The following NOX5 variants were observed in gnomAD, a reference collection of about 807,000 sequenced individuals.
The protein encoded by NOX5 is NADPH oxidase 5.
A neutral mutation model predicts 85.7 loss-of-function variants in NOX5; 76 were observed. The ratio of observed to expected loss-of-function variants is 0.89; its 90% confidence interval spans 0.74 to 1.07. The LOEUF (loss-of-function observed/expected upper bound fraction) is 1.07, where lower values mean the gene tolerates loss of function less well. Ranked by LOEUF, NOX5 falls within the 50% of genes least tolerant of loss-of-function variation. NOX5 has a pLI of 0.00. For synonymous variants in NOX5, 405 were observed against 401.4 expected (o/e 1.01, Z -0.11); for missense variants, 973 against 999.5 (o/e 0.97, Z 0.36).
chr15:69,020,369 A>T (rs1297729587), intron 1 of NOX5, among the ~76,000 whole-genome samples: 1 of 152,180 alleles, frequency 6.6e-6, no homozygotes, highest in Non-Finnish European at 1.5e-5. Context: ...CTTAAAGATG[A>T]TACAAATTTC....
chr15:69,022,341 C>A, intron 1 of NOX5: 1 of 167,538 alleles, frequency 6.0e-6, no homozygotes. Flanking sequence ...GCTGTGCTTT[C>A]ATAACATCTG....
At chr15:69,015,168 G>A (rs1350662690) in intron 1 of NOX5, among the ~76,000 whole-genome samples, 2 of 152,144 alleles carry the variant, frequency 1.3e-5, no homozygotes, top group Admixed American at 6.5e-5. Flanking sequence ...CTGGTCTCCT[G>A]GGGTAAATTC....
intron 10 of NOX5, among the ~76,000 whole-genome samples, chr15:69,043,753 C>T (rs1339267515): frequency 6.6e-6 from 1 of 152,120 alleles, no homozygotes. Context: ...ACACTAAAAG[C>T]TGTTTTCTTG....
At chr15:69,031,464 G>C in intron 3 of NOX5, 54 bp from the exon 4 acceptor site, 5 of 1,555,376 alleles carry the variant, frequency 3.2e-6, no homozygotes, top group Non-Finnish European at 2.6e-6. Context: ...AAGGAAAGCT[G>C]ACTGGCAGAA....
At chr15:69,031,344 C>A (rs376592873) in intron 3 of NOX5, 174 bp from the exon 4 acceptor site, 1 of 657,512 alleles carries the variant, frequency 1.5e-6, no homozygotes, top group Non-Finnish European at 2.5e-6. Flanking sequence ...GCCAAAGATT[C>A]TCCACCCGTG....
At chr15:69,019,115 A>G (rs146102929) in intron 1 of NOX5, among the ~76,000 whole-genome samples, 5 of 152,146 alleles carry the variant, frequency 3.3e-5, no homozygotes, top group African/African-American at 1.2e-4. Context: ...CTCCTGCCTC[A>G]GCCTCCCAGT....
At chr15:69,026,365 G>A (rs573080611) in intron 1 of NOX5, among the ~76,000 whole-genome samples, 163 bp from the exon 2 acceptor site, 3 of 152,292 alleles carry the variant, frequency 2.0e-5, no homozygotes, top group East Asian at 1.9e-4. Flanking sequence ...GAGGAGAAAC[G>A]GCTGTGGGAA....
intron 5 of NOX5, among the ~76,000 whole-genome samples, chr15:69,034,695 C>G (rs926576198): frequency 2.6e-5 from 4 of 152,172 alleles, no homozygotes; most frequent in Non-Finnish European, 4.4e-5. Context: ...CAACACGTGC[C>G]CATCTGACAT....
At chr15:69,052,470 A>G (rs1567108620) in intron 14 of NOX5, among the ~76,000 whole-genome samples, 1 of 152,226 alleles carries the variant, frequency 6.6e-6, no homozygotes, top group Non-Finnish European at 1.5e-5. Context: ...CTTATAATTT[A>G]TACAAGAAGA....
At chr15:69,016,242 T>G (rs2140241873) in intron 1 of NOX5, among the ~76,000 whole-genome samples, 1 of 152,192 alleles carries the variant, frequency 6.6e-6, no homozygotes, top group East Asian at 1.9e-4. Flanking sequence ...AGTGGGAGGC[T>G]GGGTGGGGGC....
rs111883857 is a variant in NOX5 at position 69,017,480 on chromosome 15, T to G, written c.50+2695T>G. On this transcript the variant is annotated intron_variant, in intron 1 of 15. Transcript: ENST00000388866. ...CGTTCCTAAGTCTTTAGACAAAAAC[T>G]TAATTCTTTTAACCAATTGCCAATC... is the stretch of plus-strand genomic sequence containing the variant. Among the ~76,000 whole-genome samples, 48 of 152,266 alleles carry G rather than the reference T, an allele frequency of 3.2e-4. 2 individuals carry two copies. Among genetic ancestry groups the G allele is most frequent in the African/African-American group, 1.1e-3 (47 of 41,546 alleles).
chr15:69,044,971 C>T (rs948266356), intron 10 of NOX5, among the ~76,000 whole-genome samples: 8 of 152,110 alleles, frequency 5.3e-5, no homozygotes, highest in East Asian at 1.9e-4. Flanking sequence ...GATCCCTGGC[C>T]GCAGGACGAA....
At chr15:69,015,975 G>A (rs2050227730) in intron 1 of NOX5, among the ~76,000 whole-genome samples, 1 of 152,134 alleles carries the variant, frequency 6.6e-6, no homozygotes, top group African/African-American at 2.4e-5. Flanking sequence ...CTCTGGGGCT[G>A]GTGTGAAAAA....
At chr15:69,055,602 A>G (rs2050802932) in intron 15 of NOX5, 102 bp downstream of exon 15, 7 of 1,361,080 alleles carry the variant, frequency 5.1e-6, no homozygotes, top group Non-Finnish European at 7.1e-6. Flanking sequence ...GCAAAGTGTG[A>G]GGTTAAGTCC....
chr15:69,028,435 A>C, intron 3 of NOX5, 70 bp downstream of exon 3: 1 of 1,450,110 alleles, frequency 6.9e-7, no homozygotes, highest in South Asian at 1.5e-5. Context: ...TGGCCATTTC[A>C]CCTTGGCAGG....
In NOX5 at chr15:69,033,051, A is replaced by T. The variant is rs768194399; in HGVS notation, c.629A>T (p.His210Leu). 1.5e-5 allele frequency: 23 copies of T among 1,554,316 alleles called. No homozygotes were observed. The highest frequency in any genetic ancestry group is 2.0e-5 in the Non-Finnish European group (23 of 1,164,574). Residue 210 changes from histidine to leucine, a missense_variant, in exon 5 of 16, where the codon CAC becomes CTC. Coordinates refer to ENST00000388866, the MANE Select transcript of NOX5 (RefSeq NM_024505.4). ...ACCCGCCTCTCTCGCAGCGCTGCCCACTGGCTGACGGCCCCCGCCCCCCGC... is the reference window on the plus strand; with the variant it reads ...ACCCGCCTCTCTCGCAGCGCTGCCCTCTGGCTGACGGCCCCCGCCCCCCGC... The part of the protein sequence containing the change: ...VMENLTISAA[H>L]WLTAPAPRPR...
intron 1 of NOX5, among the ~76,000 whole-genome samples, chr15:69,025,085 C>T (rs959662612): frequency 2.0e-5 from 3 of 152,138 alleles, no homozygotes; most frequent in African/African-American, 7.2e-5. Context: ...AACCATTGTT[C>T]TTAGAAGGAA....
At chr15:69,032,094 G>A (rs1029695828) in intron 4 of NOX5, among the ~76,000 whole-genome samples, 13 of 152,170 alleles carry the variant, frequency 8.5e-5, no homozygotes, top group Non-Finnish European at 1.0e-4. Flanking sequence ...TTTACAAAAG[G>A]AAATTACTTC....
chr15:69,062,353 T>C lies in NOX5; in HGVS notation c.*5657T>C, dbSNP rs948167807. Reference sequence around the variant, plus strand: ...CTTTCTCCAGCCTGGCTCTGATCCATCCTCCACACACTGCTGTGGGTCTGA... The same window carrying C: ...CTTTCTCCAGCCTGGCTCTGATCCACCCTCCACACACTGCTGTGGGTCTGA... On this transcript the variant is annotated 3_prime_UTR_variant, in exon 16 of 16. Transcript: ENST00000388866. 1.3e-5 allele frequency: 2 copies of C among 151,758 alleles called. No individual in the cohort carries two copies. Among genetic ancestry groups the C allele is most frequent in the Non-Finnish European group, 2.9e-5 (2 of 67,956 alleles). 9.4% of individuals were successfully genotyped at this position (151,758 alleles called of 1,614,324 possible).
Sources: gnomAD v4.1 joint callset for allele counts (sites outside exome capture counted in the v4.1 genomes callset) on GRCh38, gnomAD v4.1.1 for gene constraint, MANE v1.5 for transcripts, NCBI Gene and HGNC (gene_info 2026-07-23, HGNC 2026-07-21) for gene names.